The following PPP2R2C variants were observed in gnomAD, a reference collection of about 807,000 sequenced individuals.
PPP2R2C encodes the protein protein phosphatase 2 regulatory subunit Bgamma.
In PPP2R2C, 10 loss-of-function variants were observed where a neutral mutation model predicts 45.3. That is an observed-to-expected ratio of 0.22 (90% CI 0.14 to 0.37). The LOEUF (loss-of-function observed/expected upper bound fraction) is 0.37, where lower values mean the gene tolerates loss of function less well. PPP2R2C is among the 10% of genes least tolerant of loss of function. PPP2R2C has a pLI of 1.00. For synonymous variants in PPP2R2C, 257 were observed against 245.4 expected (o/e 1.05, Z -0.44); for missense variants, 308 against 619.7 (o/e 0.50, Z 5.34).
chr4:6,487,284 T>C (rs751021588), intron 2 of PPP2R2C, among the ~76,000 whole-genome samples: 4 of 151,878 alleles, frequency 2.6e-5, no homozygotes, highest in African/African-American at 7.3e-5. Flanking sequence ...ATATCCGACC[T>C]ATGTAGTTAC....
intron 1 of PPP2R2C, among the ~76,000 whole-genome samples, chr4:6,459,131 G>C (rs1721189383): frequency 6.6e-6 from 1 of 152,144 alleles, no homozygotes; most frequent in Non-Finnish European, 1.5e-5. Flanking sequence ...TCTGCAGTTT[G>C]GGTAGATCTT....
At chr4:6,463,073 C>A (rs1721412287) in intron 1 of PPP2R2C, among the ~76,000 whole-genome samples, 1 of 152,166 alleles carries the variant, frequency 6.6e-6, no homozygotes, top group Non-Finnish European at 1.5e-5. Flanking sequence ...TGAAAGTTTG[C>A]ATCAAAACTT....
At chr4:6,464,128 C>T (rs2108761225) in intron 1 of PPP2R2C, among the ~76,000 whole-genome samples, 1 of 152,212 alleles carries the variant, frequency 6.6e-6, no homozygotes. Flanking sequence ...AAATAATATA[C>T]ACAACATCAG....
intron 1 of PPP2R2C, among the ~76,000 whole-genome samples, chr4:6,536,609 T>C (rs750710975): frequency 6.6e-6 from 1 of 152,192 alleles, no homozygotes; most frequent in Non-Finnish European, 1.5e-5. Flanking sequence ...GTGTTATCAG[T>C]GGGGAAAGCC....
chr4:6,349,396 T>C (rs1181028774), intron 5 of PPP2R2C: 1 of 972,646 alleles, frequency 1.0e-6, no homozygotes, highest in African/African-American at 1.8e-5. Flanking sequence ...CCTTATCACT[T>C]CGCTGTGAAG....
intron 6 of PPP2R2C, 67 bp from the exon 7 acceptor site, chr4:6,333,798 G>A (rs1192687315): frequency 1.9e-6 from 3 of 1,568,180 alleles, no homozygotes; most frequent in Non-Finnish European, 2.6e-6. Flanking sequence ...CACGACGGAT[G>A]ACTCTGTTTT....
intron 1 of PPP2R2C, among the ~76,000 whole-genome samples, chr4:6,438,290 C>CA (rs201278227): frequency 0.011 from 1,618 of 152,340 alleles, 19 homozygotes; most frequent in Non-Finnish European, 0.017. Context: ...CAGCCTTTCT[C>CA]AGTGTGTTAA....
intron 5 of PPP2R2C, among the ~76,000 whole-genome samples, chr4:6,354,148 G>A (rs1048986755): frequency 6.6e-6 from 1 of 150,888 alleles, no homozygotes; most frequent in East Asian, 2.0e-4. Context: ...CCCCATGGGG[G>A]TCCGTGCCCA....
chr4:6,468,464 C>T (rs1721694610), intron 1 of PPP2R2C, among the ~76,000 whole-genome samples: 1 of 152,176 alleles, frequency 6.6e-6, no homozygotes, highest in Admixed American at 6.5e-5. Context: ...ATGCAAAAAG[C>T]ATGAGTGTCC....
At chr4:6,450,443 G>T (rs534573657) in intron 1 of PPP2R2C, among the ~76,000 whole-genome samples, 1 of 152,262 alleles carries the variant, frequency 6.6e-6, no homozygotes, top group Non-Finnish European at 1.5e-5. Context: ...TCAAGCAACG[G>T]TTCAGCCTCA....
At chr4:6,355,796 G>C (rs1713117325) in intron 5 of PPP2R2C, among the ~76,000 whole-genome samples, 1 of 151,416 alleles carries the variant, frequency 6.6e-6, no homozygotes, top group South Asian at 2.1e-4. Flanking sequence ...TTTGAGACCA[G>C]CCTAGCCAAC....
intron 5 of PPP2R2C, among the ~76,000 whole-genome samples, chr4:6,365,673 G>A (rs1159150278): frequency 6.6e-6 from 1 of 152,168 alleles, no homozygotes; most frequent in Non-Finnish European, 1.5e-5. Flanking sequence ...GAGTCTTCAG[G>A]CAGGCATGGG....
At chr4:6,369,526 C>T (rs1383262711) in intron 5 of PPP2R2C, among the ~76,000 whole-genome samples, 1 of 152,218 alleles carries the variant, frequency 6.6e-6, no homozygotes, top group Non-Finnish European at 1.5e-5. Context: ...GGGAAGCACA[C>T]GTGGCATGTG....
chr4:6,355,507 T>G (rs1427182737), intron 5 of PPP2R2C, among the ~76,000 whole-genome samples: 38 of 142,564 alleles, frequency 2.7e-4, no homozygotes, highest in Admixed American at 1.2e-3. Flanking sequence ...ACCCTAAAAC[T>G]TAAAGTATAA....
At chr4:6,434,138 T>C (rs1719765742) in intron 1 of PPP2R2C, among the ~76,000 whole-genome samples, 1 of 152,182 alleles carries the variant, frequency 6.6e-6, no homozygotes, top group Non-Finnish European at 1.5e-5. Context: ...TTTTGCACCT[T>C]GCTCATTTCA....
At chr4:6,406,907 T>C (rs1189634595) in intron 1 of PPP2R2C, among the ~76,000 whole-genome samples, 1 of 152,218 alleles carries the variant, frequency 6.6e-6, no homozygotes, top group South Asian at 2.1e-4. Context: ...TCATTCTGAA[T>C]TATCTGAGTA....
chr4:6,411,670 A>G (rs1473298719), intron 1 of PPP2R2C, among the ~76,000 whole-genome samples: 1 of 151,168 alleles, frequency 6.6e-6, no homozygotes, highest in Non-Finnish European at 1.5e-5. Flanking sequence ...CTCCTGCCTC[A>G]GCCTCCTGAG....
Position 6,503,661 on chromosome 4 carries a change from A to G in PPP2R2C, c.49+31610T>C, listed in dbSNP as rs144018146. On this transcript the variant is annotated intron_variant, in intron 2 of 9. Coordinates refer to the PPP2R2C transcript ENST00000506140. Reference sequence around the variant, plus strand: ...CCAAGAGAAAAAAACTTATGTCCATACAGACTTATGCATAATGTTTATGGC... The same window carrying G: ...CCAAGAGAAAAAAACTTATGTCCATGCAGACTTATGCATAATGTTTATGGC... 7.2e-5 allele frequency among the ~76,000 whole-genome samples: 11 copies of G among 152,342 alleles called. No homozygotes were observed. In the East Asian group the frequency reaches 2.1e-3, roughly 29 times the overall value.
intron 2 of PPP2R2C, among the ~76,000 whole-genome samples, chr4:6,502,861 T>C (rs1007635261): frequency 3.3e-5 from 5 of 152,106 alleles, no homozygotes; most frequent in Non-Finnish European, 5.9e-5. Context: ...TGGATGCCTC[T>C]TTCTCTCACA....
Sources: allele counts gnomAD v4.1 joint callset (sites outside exome capture counted in the v4.1 genomes callset), GRCh38; gene constraint gnomAD v4.1.1; transcripts MANE v1.5; gene names NCBI Gene and HGNC (gene_info 2026-07-23, HGNC 2026-07-21).